The following SCN1A variants were observed in gnomAD, a reference collection of about 807,000 sequenced individuals.
SCN1A encodes sodium voltage-gated channel alpha subunit 1, also known as sodium channel protein type 1 subunit alpha.
In SCN1A, 13 loss-of-function variants were observed where a neutral mutation model predicts 193.7. The observed-to-expected ratio is 0.07, with a 90% CI of 0.04 to 0.11. The LOEUF is 0.11. SCN1A is among the 10% of genes least tolerant of loss of function. SCN1A has a pLI of 1.00. For synonymous variants in SCN1A, 781 were observed against 843.6 expected (o/e 0.93, Z 1.29); for missense variants, 1,432 against 2,451.1 (o/e 0.58, Z 8.78).
Position 165,986,601 on chromosome 2 carries a change from G to A in SCN1A, c.*4644C>T, listed in dbSNP as rs970303630. On this transcript the variant is annotated 3_prime_UTR_variant, in exon 29 of 29. Transcript: ENST00000674923. The stretch of plus-strand genomic sequence containing the variant: ...GTATATATTGAATTAATTACCAACA[G>A]TAGATCTAATTTTGAAGGTAGAAAT... The A allele has an allele frequency of 2.7e-5, 4 of 150,818 alleles. No homozygotes were observed. The highest frequency in any genetic ancestry group is 4.9e-5 in the African/African-American group (2 of 41,046). The allele number at this position is 150,818 out of a possible 1,614,324, so 9.3% of individuals were successfully genotyped here. A position where few individuals can be genotyped will look rare whatever the true frequency, so the allele number is the denominator to read the frequency against.
At chr2:166,056,641 T>A in intron 5 of SCN1A, 141 bp from the exon 6 acceptor site, 12 of 661,084 alleles carry the variant, frequency 1.8e-5, no homozygotes, top group Non-Finnish European at 2.8e-5. Context: ...CTAATCTCCT[T>A]ACATTTCAAT....
rs897831176 is a variant in SCN1A, at chr2:166,036,971, G to A, written c.2947-441C>T. Among the ~76,000 whole-genome samples the A allele has an allele frequency of 5.9e-5, 9 of 152,272 alleles. 1 individual carries two copies. In the South Asian group the frequency reaches 1.7e-3, roughly 28 times the overall value. On this transcript the variant is annotated intron_variant, in intron 18 of 28. Transcript: ENST00000674923. ...AAAAATAACCATTACAACTCAGAAT[G>A]AAGATTAGGAGCTTAACATAGGCTG... is the stretch of plus-strand genomic sequence containing the variant.
chr2:165,990,751 T>TA lies in SCN1A; in HGVS notation c.*493dup. Reference sequence around the variant, plus strand: ...CATACCCCCCAGGTGGCATACCTGTTATAGAGGTCCTTAGCCTATTTCTCA... The same window carrying TA: ...CATACCCCCCAGGTGGCATACCTGTTAATAGAGGTCCTTAGCCTATTTCTCA... On this transcript the variant is annotated 3_prime_UTR_variant, in exon 29 of 29. Coordinates refer to ENST00000674923, the MANE Select transcript of SCN1A (RefSeq NM_001165963.4). The TA allele has an allele frequency of 6.0e-6, 1 of 165,300 alleles. No homozygotes were observed. Among genetic ancestry groups the TA allele is most frequent in the Admixed American group, 5.6e-5 (1 of 17,790 alleles). The allele number at this position is 165,300 out of a possible 1,614,324, so 10.2% of individuals were successfully genotyped here.
Position 166,045,259 on chromosome 2 carries a change from G to A in SCN1A, c.1446C>T (p.Ser482=). Residue 482 remains serine, a synonymous_variant, in exon 13 of 29, where the codon AGC becomes AGT. Transcript: ENST00000674923. Reference sequence around the variant, plus strand: ...AACTCAACTTAGAGGCTTCAGATGAGCTGTCTGAGAGCCTGCCTGCTGCAC... The same window carrying A: ...AACTCAACTTAGAGGCTTCAGATGAACTGTCTGAGAGCCTGCCTGCTGCAC... ...EPSAAGRLSD[S]SSEASKLSSK... The A allele has an allele frequency of 6.2e-7, 1 of 1,614,080 alleles. No homozygotes were observed. The highest frequency in any genetic ancestry group is 1.1e-5 in the South Asian group (1 of 91,078).
chr2:166,006,687 T>G (rs1691708587), intron 23 of SCN1A, among the ~76,000 whole-genome samples: 1 of 151,360 alleles, frequency 6.6e-6, no homozygotes, highest in African/African-American at 2.4e-5. Context: ...TAACCCCATA[T>G]GAACTTACAC....
chr2:166,045,368 G>A (rs1403594487), intron 12 of SCN1A, 41 bp from the exon 13 acceptor site: 2 of 1,601,506 alleles, frequency 1.2e-6, no homozygotes, highest in African/African-American at 1.3e-5. Flanking sequence ...CACCTGAAGA[G>A]ACTGTATCTT....
At chr2:166,072,987 G>T (rs1373050357) in intron 4 of SCN1A, among the ~76,000 whole-genome samples, 1 of 151,854 alleles carries the variant, frequency 6.6e-6, no homozygotes, top group Non-Finnish European at 1.5e-5. Context: ...CTACATGCGT[G>T]TGCCACCACG....
intron 23 of SCN1A, among the ~76,000 whole-genome samples, chr2:166,004,563 T>G (rs573965081): frequency 4.6e-5 from 7 of 151,576 alleles, no homozygotes; most frequent in Non-Finnish European, 1.0e-4. Context: ...CTATGTAAGA[T>G]GAATTAATCT....
At chr2:166,144,247 G>A (rs1692212298) in intron 1 of SCN1A, among the ~76,000 whole-genome samples, 1 of 152,200 alleles carries the variant, frequency 6.6e-6, no homozygotes, top group Admixed American at 6.5e-5. Context: ...TATATGTCAA[G>A]CACTGGAGGG....
At chr2:166,040,138 T>G (rs566245080) in intron 16 of SCN1A, among the ~76,000 whole-genome samples, 1 of 152,180 alleles carries the variant, frequency 6.6e-6, no homozygotes, top group African/African-American at 2.4e-5. Flanking sequence ...CAGGATGGTC[T>G]CGATCTCCTG....
chr2:166,046,685 T>C, intron 12 of SCN1A, 85 bp downstream of exon 12: 1 of 1,290,022 alleles, frequency 7.8e-7, no homozygotes, highest in South Asian at 1.2e-5. Flanking sequence ...TACAACCACC[T>C]GCTCTTAGGT....
At chr2:166,091,719 C>A (rs933631668) in intron 2 of SCN1A, among the ~76,000 whole-genome samples, 6 of 152,182 alleles carry the variant, frequency 3.9e-5, no homozygotes, top group Admixed American at 2.0e-4. Context: ...TTGAAAAAGG[C>A]AAATACTTTA....
chr2:166,139,090 T>C (rs1691979244), intron 1 of SCN1A, among the ~76,000 whole-genome samples: 1 of 152,226 alleles, frequency 6.6e-6, no homozygotes, highest in Non-Finnish European at 1.5e-5. Flanking sequence ...ACTCCCATTG[T>C]ATCTAGGAGG....
At chr2:166,047,358 G>A (rs939956432) in intron 11 of SCN1A, among the ~76,000 whole-genome samples, 1 of 152,108 alleles carries the variant, frequency 6.6e-6, no homozygotes, top group Admixed American at 6.6e-5. Context: ...GGTAGATAGG[G>A]CTGAAGGGAG....
chr2:166,021,082 A>G (rs962922644), intron 19 of SCN1A, among the ~76,000 whole-genome samples: 1 of 152,254 alleles, frequency 6.6e-6, no homozygotes, highest in Non-Finnish European at 1.5e-5. Context: ...CTTAAGCTCT[A>G]CTTCGCAAGT....
At chr2:166,034,084 A>T (rs1696009091) in intron 19 of SCN1A, among the ~76,000 whole-genome samples, 1 of 145,174 alleles carries the variant, frequency 6.9e-6, no homozygotes, top group Non-Finnish European at 1.5e-5. Context: ...TCTGTAAAAA[A>T]GTCCACAATA....
intron 23 of SCN1A, among the ~76,000 whole-genome samples, chr2:166,004,808 T>A (rs1472818319): frequency 6.6e-6 from 1 of 150,664 alleles, no homozygotes; most frequent in African/African-American, 2.5e-5. Context: ...TCTGAAATAC[T>A]CTCCCCTCTT....
chr2:166,012,348 A>C lies in SCN1A; in HGVS notation c.3706-66T>G. ...ATTATACTCCATAAGCTATTTAAAA[A>C]ATTAATCATATGCATATGACATTTC... On this transcript the variant is annotated intron_variant, in intron 21 of 28. Coordinates refer to ENST00000674923, the MANE Select transcript of SCN1A (RefSeq NM_001165963.4). The C allele has an allele frequency of 4.0e-6, 5 of 1,254,888 alleles. No homozygotes were observed. The South Asian group carries it at 5.2e-5, about 13-fold the overall frequency. 77.7% of individuals were successfully genotyped at this position (1,254,888 alleles called of 1,614,324 possible).
chr2:166,010,641 T>C (rs1384232239), intron 22 of SCN1A, among the ~76,000 whole-genome samples: 2 of 151,266 alleles, frequency 1.3e-5, no homozygotes, highest in African/African-American at 4.8e-5. Flanking sequence ...TTATAACTTA[T>C]TTGGTTAGAA....
Sources: gnomAD v4.1 joint callset for allele counts (sites outside exome capture counted in the v4.1 genomes callset) on GRCh38, gnomAD v4.1.1 for gene constraint, MANE v1.5 for transcripts, NCBI Gene and HGNC (gene_info 2026-07-23, HGNC 2026-07-21) for gene names.